ANKS1B: variants seen among roughly 807,000 people sequenced by gnomAD.
ANKS1B encodes the protein ankyrin repeat and sterile alpha motif domain containing 1B, also known as ankyrin repeat and sterile alpha motif domain-containing protein 1B.
Under a neutral mutation model 148.3 loss-of-function variants are expected in ANKS1B, and 36 were observed. The ratio of observed to expected loss-of-function variants is 0.24; its 90% CI spans 0.19 to 0.32. ANKS1B has a LOEUF of 0.32. Ranked by LOEUF, ANKS1B falls within the 10% of genes least tolerant of loss-of-function variation. The probability of loss-of-function intolerance (pLI) is 1.00; values close to 1 mark genes in which losing one functional copy is unlikely to be tolerated. For missense variants in ANKS1B, 1,157 were observed against 1,542.6 expected (o/e 0.75, Z 4.19); for synonymous variants, 542 against 560.8 (o/e 0.97, Z 0.47).
At chr12:99,796,281 G>A (rs1031156146) in intron 4 of ANKS1B, among the ~76,000 whole-genome samples, 1 of 151,926 alleles carries the variant, frequency 6.6e-6, no homozygotes, top group Non-Finnish European at 1.5e-5. Context: ...ACTCAGAATG[G>A]CATGGAATTT....
intron 12 of ANKS1B, among the ~76,000 whole-genome samples, chr12:99,260,911 G>A (rs747648550): frequency 2.0e-5 from 3 of 152,154 alleles, no homozygotes; most frequent in Non-Finnish European, 4.4e-5. Context: ...TTTAGCTGAG[G>A]TGTTGGTAAA....
downstream of ANKS1B, among the ~76,000 whole-genome samples, chr12:98,742,476 G>A (rs528359964): frequency 6.6e-6 from 1 of 152,326 alleles, no homozygotes; most frequent in East Asian, 1.9e-4. Flanking sequence ...GTTGGCTGCA[G>A]AATGACCATC....
intron 9 of ANKS1B, among the ~76,000 whole-genome samples, chr12:98,738,020 C>T (rs1211307694): frequency 6.6e-6 from 1 of 152,154 alleles, no homozygotes; most frequent in Non-Finnish European, 1.5e-5. Context: ...TATTAAAATG[C>T]CTGAATTAGA....
At chr12:99,626,013 G>A (rs2098109444) in intron 9 of ANKS1B, among the ~76,000 whole-genome samples, 1 of 152,048 alleles carries the variant, frequency 6.6e-6, no homozygotes, top group Admixed American at 6.6e-5. Context: ...GCTGAAACTA[G>A]GGCATCTGTG....
chr12:98,844,805 T>G (rs997672302), intron 17 of ANKS1B, among the ~76,000 whole-genome samples: 1 of 152,264 alleles, frequency 6.6e-6, no homozygotes, highest in Non-Finnish European at 1.5e-5. Flanking sequence ...ATTAATGGCA[T>G]CAAAATAGAC....
intron 22 of ANKS1B, among the ~76,000 whole-genome samples, chr12:98,795,394 T>C (rs1301388435): frequency 1.3e-5 from 2 of 152,326 alleles, no homozygotes; most frequent in Admixed American, 6.5e-5. Context: ...TGATAGGTAG[T>C]TGTGGATGTC....
intron 9 of ANKS1B, among the ~76,000 whole-genome samples, chr12:99,619,532 G>T (rs1198667909): frequency 6.6e-6 from 1 of 151,814 alleles, no homozygotes; most frequent in Non-Finnish European, 1.5e-5. Flanking sequence ...CCCTTCCTGG[G>T]CATAGATTGT....
At chr12:99,854,393 T>A (rs2088614367) in intron 1 of ANKS1B, among the ~76,000 whole-genome samples, 1 of 152,138 alleles carries the variant, frequency 6.6e-6, no homozygotes, top group Non-Finnish European at 1.5e-5. Flanking sequence ...CTCCAATAAT[T>A]TTGGGATTAT....
intron 12 of ANKS1B, among the ~76,000 whole-genome samples, chr12:99,338,047 T>G (rs2089261779): frequency 6.6e-6 from 1 of 152,254 alleles, no homozygotes; most frequent in Admixed American, 6.5e-5. Flanking sequence ...TGATGTTCAC[T>G]CAAGGCCCAA....
chr12:99,300,382 T>C (rs2081435029), intron 12 of ANKS1B, among the ~76,000 whole-genome samples: 1 of 152,138 alleles, frequency 6.6e-6, no homozygotes, highest in South Asian at 2.1e-4. Context: ...GTGATGTAGA[T>C]GACATGTTAT....
At chr12:99,713,473 C>T (rs2056901431) in intron 8 of ANKS1B, among the ~76,000 whole-genome samples, 1 of 152,132 alleles carries the variant, frequency 6.6e-6, no homozygotes, top group Non-Finnish European at 1.5e-5. Context: ...AAACAAGAAA[C>T]CAAGCCACAT....
intron 4 of ANKS1B, among the ~76,000 whole-genome samples, chr12:99,801,635 G>A (rs1210340937): frequency 6.6e-6 from 1 of 152,076 alleles, no homozygotes; most frequent in Admixed American, 6.6e-5. Flanking sequence ...CAGAGAAAGG[G>A]GATGGTAAGG....
rs190617292 is a variant in ANKS1B at position 99,472,799 on chromosome 12, C to T, written c.1439-28990G>A. On this transcript the variant is annotated intron_variant, in intron 10 of 26. Coordinates refer to ENST00000683438, the MANE Select transcript of ANKS1B (RefSeq NM_001352186.2). ...TTAAGAAAGCCTATGAGTTAAACTGCGCTTAAAATAAGATATATATTTGCT... is the reference window on the plus strand; with the variant it reads ...TTAAGAAAGCCTATGAGTTAAACTGTGCTTAAAATAAGATATATATTTGCT... Among the ~76,000 whole-genome samples the T allele has an allele frequency of 3.1e-4, 47 of 152,062 alleles. 1 individual carries two copies. The East Asian group carries it at 7.5e-3, about 24-fold the overall frequency.
intron 17 of ANKS1B, among the ~76,000 whole-genome samples, chr12:98,967,650 A>AGGGGAGGGGAGGGGAGGGAAGG (rs1568078773): frequency 1.6e-4 from 3 of 18,928 alleles, no homozygotes; most frequent in East Asian, 1.0e-3. Flanking sequence ...GGGAGGGAAG[A>AGGGGAGGGGAGGGGAGGGAAGG]GGAGGGGAGA....
At chr12:99,933,673 T>C (rs942273284) in intron 1 of ANKS1B, among the ~76,000 whole-genome samples, 1 of 152,156 alleles carries the variant, frequency 6.6e-6, no homozygotes, top group Non-Finnish European at 1.5e-5. Context: ...TATAAGACTA[T>C]ATCATCTGCA....
intron 1 of ANKS1B, among the ~76,000 whole-genome samples, chr12:99,917,990 C>G (rs2094223766): frequency 6.6e-6 from 1 of 152,232 alleles, no homozygotes; most frequent in Non-Finnish European, 1.5e-5. Flanking sequence ...GTGAACTATG[C>G]ATGCAAGGGC....
chr12:99,767,860 T>C (rs146460546), intron 8 of ANKS1B, among the ~76,000 whole-genome samples: 1 of 152,238 alleles, frequency 6.6e-6, no homozygotes, highest in Admixed American at 6.5e-5. Flanking sequence ...ATAATAAGAA[T>C]TTAATTTTTA....
intron 1 of ANKS1B, among the ~76,000 whole-genome samples, chr12:99,876,564 A>T (rs2092067360): frequency 6.6e-6 from 1 of 151,980 alleles, no homozygotes; most frequent in South Asian, 2.1e-4. Context: ...CTCTACTAAA[A>T]AATATATATA....
intron 17 of ANKS1B, among the ~76,000 whole-genome samples, chr12:98,922,400 T>C (rs982930545): frequency 1.3e-5 from 2 of 152,252 alleles, no homozygotes; most frequent in African/African-American, 2.4e-5. Flanking sequence ...CCTGCTCTCT[T>C]TACGTTGACT....
Sources: gnomAD v4.1 joint callset for allele counts (sites outside exome capture counted in the v4.1 genomes callset) on GRCh38, gnomAD v4.1.1 for gene constraint, MANE v1.5 for transcripts, NCBI Gene and HGNC (gene_info 2026-07-23, HGNC 2026-07-21) for gene names.